KSR2: variants seen among roughly 807,000 people sequenced by gnomAD.
KSR2 encodes kinase suppressor of ras 2.
KSR2 carries 25 observed loss-of-function variants against 107.8 expected under a neutral mutation model. That is an observed-to-expected ratio of 0.23 (90% CI 0.17 to 0.32). The LOEUF (loss-of-function observed/expected upper bound fraction) is 0.32, where lower values mean the gene tolerates loss of function less well. KSR2 is among the 10% of genes least tolerant of loss of function. The pLI, the probability that KSR2 is intolerant of heterozygous loss-of-function variation, is 1.00. For missense variants in KSR2, 887 were observed against 1,268.9 expected (o/e 0.70, Z 4.57); for synonymous variants, 480 against 507.0 (o/e 0.95, Z 0.71).
At chr12:117,728,349 C>T (rs1180212594) in intron 4 of KSR2, among the ~76,000 whole-genome samples, 3 of 152,204 alleles carry the variant, frequency 2.0e-5, no homozygotes, top group Admixed American at 2.0e-4. Flanking sequence ...AACACACTGA[C>T]AACTTCTGTC....
intron 5 of KSR2, among the ~76,000 whole-genome samples, chr12:117,630,902 C>G (rs12227154): frequency 0.027 from 4,091 of 152,152 alleles, 163 homozygotes; most frequent in South Asian, 0.14. Context: ...GTACTGTTTC[C>G]TGTGGGTATA....
At chr12:117,531,127 C>T in intron 11 of KSR2, 114 bp from the exon 12 acceptor site, 1 of 840,656 alleles carries the variant, frequency 1.2e-6, no homozygotes, top group Non-Finnish European at 2.0e-6. Flanking sequence ...TGGATCTCTG[C>T]CCTTGGCCAA....
intron 1 of KSR2, among the ~76,000 whole-genome samples, chr12:117,939,191 G>T (rs1895932167): frequency 6.6e-6 from 1 of 152,180 alleles, no homozygotes; most frequent in African/African-American, 2.4e-5. Flanking sequence ...TTGAGGAATT[G>T]TTGGTATGAC....
At chr12:117,535,152 A>C (rs1351462859) in intron 10 of KSR2, among the ~76,000 whole-genome samples, 1 of 152,208 alleles carries the variant, frequency 6.6e-6, no homozygotes, top group African/African-American at 2.4e-5. Flanking sequence ...GTAGATGCGT[A>C]ATAAATACTG....
intron 3 of KSR2, among the ~76,000 whole-genome samples, chr12:117,815,990 AGTGTGTGTGTGTGTGTGTGTGTGT>A (rs35013081): frequency 1.8e-5 from 2 of 113,622 alleles, no homozygotes; most frequent in East Asian, 2.5e-4. Flanking sequence ...AAAAAAATAA[AGTGTGTGTGTGTGTGTGTGTGTGT>A]GTGTGTGTGT....
rs549605338 is a variant in KSR2, at chr12:117,842,759, G to T, written c.472+12669C>A. Among the ~76,000 whole-genome samples, 11 of 152,320 alleles carry T rather than the reference G, an allele frequency of 7.2e-5. No homozygotes were observed. Among genetic ancestry groups the T allele is most frequent in the Non-Finnish European group, 1.0e-4 (7 of 68,034 alleles). ...AGCCAGATGCTGGCCACATGAAGCAGCAGGTGGGCAAGACAGAGGGGGCAG... is the reference window on the plus strand; with the variant it reads ...AGCCAGATGCTGGCCACATGAAGCATCAGGTGGGCAAGACAGAGGGGGCAG... On this transcript the variant is annotated intron_variant, in intron 3 of 19. Coordinates refer to ENST00000339824, the MANE Select transcript of KSR2 (RefSeq NM_173598.6). This position sits in a 1 kb window ranked among gnomAD's most constrained non-coding sequence, Gnocchi z 4.2.
chr12:117,616,191 A>C (rs897280169), intron 5 of KSR2, among the ~76,000 whole-genome samples: 1 of 151,986 alleles, frequency 6.6e-6, no homozygotes, highest in African/African-American at 2.4e-5. Flanking sequence ...TTTAAAAAGA[A>C]GGAACTTTTA....
At chr12:117,642,752 G>A (rs1459982130) in intron 5 of KSR2, among the ~76,000 whole-genome samples, 6 of 152,088 alleles carry the variant, frequency 3.9e-5, no homozygotes, top group Non-Finnish European at 8.8e-5. Flanking sequence ...TTAGAAGTTT[G>A]GGGAAAATAC....
At position 117,466,068 on chromosome 12, in the gene KSR2, C is replaced by G. The variant is rs1871132121; in HGVS notation, c.*1131G>C. The G allele has an allele frequency of 6.6e-6, 1 of 152,238 alleles. No individual in the cohort carries two copies. The highest frequency in any genetic ancestry group is 2.1e-4 in the South Asian group (1 of 4,830). The allele number at this position is 152,238 out of a possible 1,614,324, so 9.4% of individuals were successfully genotyped here. On this transcript the variant is annotated 3_prime_UTR_variant, in exon 20 of 20. Transcript: ENST00000339824. Reference sequence around the variant, plus strand: ...GGGGAAGCTACTTGAGGACCCCGCACCAGGCTAGAGCAAAGAACGCAGAAG... The same window carrying G: ...GGGGAAGCTACTTGAGGACCCCGCAGCAGGCTAGAGCAAAGAACGCAGAAG...
chr12:117,641,455 A>C (rs544576752), intron 5 of KSR2, among the ~76,000 whole-genome samples: 3 of 152,168 alleles, frequency 2.0e-5, no homozygotes, highest in Non-Finnish European at 4.4e-5. Flanking sequence ...AGTTTCTGGT[A>C]GCTGTCCTTG....
At chr12:117,745,503 C>CA (rs1888375688) in intron 4 of KSR2, among the ~76,000 whole-genome samples, 2 of 151,970 alleles carry the variant, frequency 1.3e-5, no homozygotes, top group Non-Finnish European at 2.9e-5. Context: ...TAGCAAGAAA[C>CA]AAAATAACTC....
At chr12:117,549,679 A>T (rs996136493) in intron 9 of KSR2, among the ~76,000 whole-genome samples, 1 of 152,218 alleles carries the variant, frequency 6.6e-6, no homozygotes, top group Non-Finnish European at 1.5e-5. Flanking sequence ...GGAATAGAGG[A>T]GGAAGATCTA....
chr12:117,683,979 G>A (rs1286841255), intron 4 of KSR2, among the ~76,000 whole-genome samples: 3 of 152,234 alleles, frequency 2.0e-5, no homozygotes, highest in Non-Finnish European at 4.4e-5. Flanking sequence ...GCAATTGGCT[G>A]AACTTGGCCC....
rs181274895 is a variant in KSR2 at position 117,817,235 on chromosome 12, T to C, written c.472+38193A>G. 4.8e-3 allele frequency among the ~76,000 whole-genome samples: 724 copies of C among 152,308 alleles called. 3 individuals carry two copies. Among genetic ancestry groups the C allele is most frequent in the African/African-American group, 0.017 (694 of 41,566 alleles). ...TCTTCCTCCGGAAAATAAAGTTTGC[T>C]GACAAAGAGCAGTCCCTTAAGACCT... is the stretch of plus-strand genomic sequence containing the variant. On this transcript the variant is annotated intron_variant, in intron 3 of 19. Transcript: ENST00000339824.
At chr12:117,875,863 C>T (rs1010146208) in intron 1 of KSR2, among the ~76,000 whole-genome samples, 1 of 152,102 alleles carries the variant, frequency 6.6e-6, no homozygotes, top group South Asian at 2.1e-4. Context: ...GCCTCCCCCC[C>T]ACCACCACCA....
chr12:117,852,073 G>A (rs777564922), intron 3 of KSR2, among the ~76,000 whole-genome samples: 7 of 151,936 alleles, frequency 4.6e-5, no homozygotes, highest in Non-Finnish European at 8.8e-5. Context: ...ATGTGTGTGG[G>A]GGGGGTCACA....
chr12:117,704,333 G>A (rs1169514655), intron 4 of KSR2, among the ~76,000 whole-genome samples: 2 of 152,076 alleles, frequency 1.3e-5, no homozygotes, highest in African/African-American at 4.8e-5. Context: ...GGAGAAGCTG[G>A]TAATGGGTAA....
chr12:117,520,763 G>A (rs1287896788), intron 14 of KSR2, among the ~76,000 whole-genome samples: 1 of 152,044 alleles, frequency 6.6e-6, no homozygotes, highest in Non-Finnish European at 1.5e-5. Flanking sequence ...GCTGCTCACT[G>A]CCCTTGGCAT....
At chr12:117,925,778 G>C (rs979790226) in intron 1 of KSR2, among the ~76,000 whole-genome samples, 2 of 152,192 alleles carry the variant, frequency 1.3e-5, no homozygotes, top group African/African-American at 4.8e-5. Flanking sequence ...CTAGTAATCA[G>C]CAAATCAGAT....
Sources: allele counts gnomAD v4.1 joint callset (sites outside exome capture counted in the v4.1 genomes callset), GRCh38; gene constraint gnomAD v4.1.1; non-coding constraint Gnocchi (gnomAD v3.1); transcripts MANE v1.5; gene names NCBI Gene and HGNC (gene_info 2026-07-23, HGNC 2026-07-21).